SLC35F3: variants seen among roughly 807,000 people sequenced by gnomAD.
SLC35F3 encodes solute carrier family 35 member F3.
Under a neutral mutation model 49.9 loss-of-function variants are expected in SLC35F3, and 25 were observed. The ratio of observed to expected loss-of-function variants is 0.50; its 90% CI spans 0.37 to 0.70. SLC35F3 has a LOEUF of 0.70. Ranked by LOEUF, SLC35F3 falls within the 30% of genes least tolerant of loss-of-function variation. SLC35F3 has a pLI of 0.00. For missense variants in SLC35F3, 525 were observed against 639.8 expected, an observed-to-expected ratio of 0.82 and a Z score of 1.94; for synonymous variants, 275 against 265.4, an observed-to-expected ratio of 1.04 and a Z score of -0.35.
intron 2 of SLC35F3, among the ~76,000 whole-genome samples, chr1:233,913,875 G>C (rs923457275): frequency 8.5e-5 from 13 of 152,174 alleles, no homozygotes; most frequent in African/African-American, 3.1e-4. Flanking sequence ...TCCAGTTTTG[G>C]TAACTTTAAA....
intron 2 of SLC35F3, among the ~76,000 whole-genome samples, chr1:233,971,745 C>A (rs1243210682): frequency 6.7e-6 from 1 of 150,230 alleles, no homozygotes; most frequent in African/African-American, 2.5e-5. Context: ...GATACCCAGG[C>A]CTCCTCTGCT....
intron 2 of SLC35F3, among the ~76,000 whole-genome samples, chr1:234,217,736 G>A (rs1667144109): frequency 6.6e-6 from 1 of 152,166 alleles, no homozygotes; most frequent in Non-Finnish European, 1.5e-5. Context: ...AGCCTCCTCA[G>A]AAAGATCTCT....
intron 2 of SLC35F3, among the ~76,000 whole-genome samples, chr1:233,914,759 CT>C (rs368248964): frequency 8.0e-5 from 12 of 149,120 alleles, no homozygotes; most frequent in South Asian, 2.1e-4. Context: ...AACCATATTT[CT>C]TTTTTTTTTG....
intron 2 of SLC35F3, among the ~76,000 whole-genome samples, chr1:234,229,784 G>A (rs891561809): frequency 6.6e-6 from 1 of 152,146 alleles, no homozygotes; most frequent in African/African-American, 2.4e-5. Context: ...ATTCAAAATG[G>A]CAGGTAATCC....
At chr1:233,961,994 G>A (rs1044124543) in intron 2 of SLC35F3, among the ~76,000 whole-genome samples, 5 of 149,422 alleles carry the variant, frequency 3.3e-5, no homozygotes, top group East Asian at 2.0e-4. Context: ...ATCATGGGGC[G>A]ATCATTCTTG....
At chr1:233,939,053 G>A (rs893950303) in intron 2 of SLC35F3, among the ~76,000 whole-genome samples, 1 of 152,126 alleles carries the variant, frequency 6.6e-6, no homozygotes, top group Non-Finnish European at 1.5e-5. Context: ...GATGCTTCTG[G>A]TTCTTTCAGG....
intron 2 of SLC35F3, among the ~76,000 whole-genome samples, chr1:234,053,463 C>CT (rs947098279): frequency 3.3e-5 from 5 of 152,062 alleles, no homozygotes; most frequent in Admixed American, 6.6e-5. Context: ...GCAACCCCTG[C>CT]TTTTTTTGTT....
At chr1:234,175,548 A>T (rs943898156) in intron 2 of SLC35F3, among the ~76,000 whole-genome samples, 1 of 151,670 alleles carries the variant, frequency 6.6e-6, no homozygotes, top group Non-Finnish European at 1.5e-5. Flanking sequence ...CTTTAGTCCC[A>T]GCTATGTGGG....
intron 2 of SLC35F3, among the ~76,000 whole-genome samples, chr1:234,062,980 T>G (rs1024196864): frequency 5.3e-5 from 8 of 151,786 alleles, no homozygotes; most frequent in Non-Finnish European, 1.0e-4. Flanking sequence ...TGAGCCACCA[T>G]GCCCGGCCTA....
At chr1:234,308,851 C>T (rs1402416926) in intron 3 of SLC35F3, among the ~76,000 whole-genome samples, 1 of 152,058 alleles carries the variant, frequency 6.6e-6, no homozygotes, top group East Asian at 1.9e-4. Flanking sequence ...CTGTATAGAA[C>T]CATAAATTCC....
intron 2 of SLC35F3, among the ~76,000 whole-genome samples, chr1:234,128,129 A>G (rs6694267): frequency 0.45 from 68,546 of 152,024 alleles, 16,883 homozygotes; most frequent in Non-Finnish European, 0.56. Flanking sequence ...ACCATAAGGA[A>G]GAGTAAGATC....
At chr1:234,258,947 T>G (rs1667861406) in intron 3 of SLC35F3, among the ~76,000 whole-genome samples, 1 of 152,266 alleles carries the variant, frequency 6.6e-6, no homozygotes, top group Non-Finnish European at 1.5e-5. Context: ...TGTCCTGTTC[T>G]GAGCTCCACC....
intron 2 of SLC35F3, among the ~76,000 whole-genome samples, chr1:233,935,352 G>A (rs1256179372): frequency 6.6e-6 from 1 of 152,012 alleles, no homozygotes; most frequent in Non-Finnish European, 1.5e-5. Context: ...GGTTGAGTCA[G>A]TCTAGCTGGG....
intron 2 of SLC35F3, among the ~76,000 whole-genome samples, chr1:233,963,249 A>G (rs1443234068): frequency 6.7e-6 from 1 of 149,902 alleles, no homozygotes; most frequent in African/African-American, 2.5e-5. Context: ...ATTTCTCCCC[A>G]TTGTGGAGAG....
intron 2 of SLC35F3, among the ~76,000 whole-genome samples, chr1:234,021,748 C>A (rs1477799292): frequency 6.6e-6 from 1 of 152,208 alleles, no homozygotes; most frequent in East Asian, 1.9e-4. Context: ...ACTGGCTTTA[C>A]TATTCCACGC....
intron 3 of SLC35F3, among the ~76,000 whole-genome samples, chr1:234,282,122 G>C (rs1251549152): frequency 1.3e-5 from 2 of 152,204 alleles, no homozygotes; most frequent in African/African-American, 2.4e-5. Flanking sequence ...GATGCACACA[G>C]TGCCTGTTAG....
At chr1:234,199,399 C>A (rs1449326573) in intron 2 of SLC35F3, among the ~76,000 whole-genome samples, 2 of 152,086 alleles carry the variant, frequency 1.3e-5, no homozygotes, top group Non-Finnish European at 2.9e-5. Flanking sequence ...AGAGCAGTCT[C>A]TTCAATAAAT....
At chr1:234,235,186 C>T (rs1327493121) in intron 3 of SLC35F3, among the ~76,000 whole-genome samples, 1 of 152,338 alleles carries the variant, frequency 6.6e-6, no homozygotes, top group East Asian at 1.9e-4. Flanking sequence ...GGGTTTTCAG[C>T]CCCTGCCTTA....
intron 2 of SLC35F3, among the ~76,000 whole-genome samples, chr1:234,064,286 G>A (rs1474555973): frequency 6.6e-6 from 1 of 152,112 alleles, no homozygotes; most frequent in African/African-American, 2.4e-5. Flanking sequence ...CTGGGAAATG[G>A]GCTGCTAGGC....
Sources: gnomAD v4.1 joint callset for allele counts (sites outside exome capture counted in the v4.1 genomes callset) on GRCh38, gnomAD v4.1.1 for gene constraint, MANE v1.5 for transcripts, NCBI Gene and HGNC (gene_info 2026-07-23, HGNC 2026-07-21) for gene names.